The following FMN2 variants were observed in gnomAD, a reference collection of about 807,000 sequenced individuals.
The protein encoded by FMN2 is formin-2.
A neutral mutation model predicts 142.3 loss-of-function variants in FMN2; 51 were observed. That is an observed-to-expected ratio of 0.36 (90% CI 0.29 to 0.45). The LOEUF (loss-of-function observed/expected upper bound fraction) is 0.45, where lower values mean the gene tolerates loss of function less well. Ranked by LOEUF, FMN2 falls within the 20% of genes least tolerant of loss-of-function variation. The pLI is 1.00. For missense variants in FMN2, 1,936 were observed against 2,122.8 expected (o/e 0.91, Z 1.73); for synonymous variants, 882 against 869.8 (o/e 1.01, Z -0.25).
intron 7 of FMN2, among the ~76,000 whole-genome samples, chr1:240,277,743 C>A (rs1410176179): frequency 1.3e-5 from 2 of 151,676 alleles, no homozygotes; most frequent in Admixed American, 6.6e-5. Flanking sequence ...CCATGTTGGC[C>A]AGCCTGGTTT....
chr1:240,170,481 TA>T (rs1458594566), intron 2 of FMN2: 2 of 1,456,844 alleles, frequency 1.4e-6, no homozygotes, highest in Non-Finnish European at 1.9e-6. Context: ...AAATTTTGTC[TA>T]AATCCTAAAA....
intron 3 of FMN2, among the ~76,000 whole-genome samples, chr1:240,187,363 C>T (rs973788957): frequency 2.0e-5 from 3 of 151,418 alleles, no homozygotes; most frequent in Non-Finnish European, 4.4e-5. Flanking sequence ...GCATGCCAGT[C>T]AGGGGTGCAA....
intron 7 of FMN2, among the ~76,000 whole-genome samples, chr1:240,281,541 T>C (rs904507249): frequency 3.3e-5 from 5 of 152,132 alleles, no homozygotes; most frequent in African/African-American, 1.2e-4. Context: ...AATGAATCAA[T>C]GATGTTTTCC....
At chr1:240,433,246 C>T (rs9662989) in intron 15 of FMN2, among the ~76,000 whole-genome samples, 113,902 of 152,018 alleles carry the variant, frequency 0.75, 44,428 homozygotes, top group Middle Eastern at 0.88. Flanking sequence ...GAAGTCTACT[C>T]AGATAATAAA....
rs1036137349 is a variant in FMN2 at position 240,392,536 on chromosome 1, A to G, written c.4884A>G (p.Glu1628=). ...IQAKIDQEAE[E]NSLTETHKCF... ...CCAAAATTGACCAAGAGGCAGAGGA[A>G]AATTCACTGACAGAGACTCATAAAT... The change falls in exon 15 of 18, where the codon GAA becomes GAG. Residue 1628 remains glutamate, a synonymous_variant. Transcript: ENST00000319653. 8 of 1,609,846 alleles carry G rather than the reference A, an allele frequency of 5.0e-6. No homozygotes were observed. The Admixed American group carries it at 1.0e-4, about 20-fold the overall frequency.
intron 16 of FMN2, among the ~76,000 whole-genome samples, chr1:240,454,225 G>C (rs561495712): frequency 6.6e-6 from 1 of 152,178 alleles, no homozygotes; most frequent in Admixed American, 6.5e-5. Flanking sequence ...ACTCACTCTT[G>C]CTGAGCATCA....
chr1:240,454,395 T>A (rs12401399), intron 16 of FMN2, among the ~76,000 whole-genome samples: 113,145 of 151,858 alleles, frequency 0.75, 42,315 homozygotes, highest in Middle Eastern at 0.83. Context: ...TACAAAAATT[T>A]GCTGGGCATG....
rs529418504 is a variant in FMN2 at position 240,410,347 on chromosome 1, A to G, written c.4910+17785A>G. 2.0e-5 allele frequency among the ~76,000 whole-genome samples: 3 copies of G among 152,348 alleles called. No individual in the cohort carries two copies. In the South Asian group the frequency reaches 6.2e-4, roughly 32 times the overall value. ...TTGAAATTCCTCTCTGAGTGGATCT[A>G]ACGATCTGAAAAATTGAAAATCAGT... On this transcript the variant is annotated intron_variant, in intron 15 of 17. Coordinates refer to ENST00000319653, the MANE Select transcript of FMN2 (RefSeq NM_020066.5).
intron 16 of FMN2, among the ~76,000 whole-genome samples, chr1:240,445,158 A>G (rs1675762251): frequency 6.6e-6 from 1 of 152,232 alleles, no homozygotes; most frequent in Non-Finnish European, 1.5e-5. Context: ...ATTTAGCTGT[A>G]TTCATGAATT....
chr1:240,282,000 T>C (rs1255427472), intron 7 of FMN2, among the ~76,000 whole-genome samples: 5 of 152,222 alleles, frequency 3.3e-5, no homozygotes, highest in Admixed American at 2.0e-4. Flanking sequence ...TTCTAATTTA[T>C]ATTTTGCTTT....
At chr1:240,143,160 A>G in intron 2 of FMN2, 1 of 1,578,496 alleles carries the variant, frequency 6.3e-7, no homozygotes, top group Non-Finnish European at 8.7e-7. Context: ...TAACTGGCGC[A>G]ACATTGCAGC....
chr1:240,167,004 C>A (rs1436354846), intron 2 of FMN2, among the ~76,000 whole-genome samples: 1 of 152,144 alleles, frequency 6.6e-6, no homozygotes, highest in Admixed American at 6.5e-5. Context: ...TGCCTGTAAT[C>A]CCAGCTACTT....
intron 2 of FMN2, chr1:240,145,530 A>ATTTTTTTTTTTTTTTTTTTTT (rs71168902): frequency 3.8e-4 from 32 of 84,372 alleles, no homozygotes; most frequent in Middle Eastern, 9.4e-3. Context: ...TTCTTTTTCT[A>ATTTTTTTTTTTTTTTTTTTTT]TTTTTTTTTT....
At chr1:240,290,149 T>C (rs1013708074) in intron 7 of FMN2, among the ~76,000 whole-genome samples, 9 of 152,238 alleles carry the variant, frequency 5.9e-5, no homozygotes, top group African/African-American at 2.2e-4. Context: ...TTTTTTAATG[T>C]AATGCAGTCA....
intron 8 of FMN2, among the ~76,000 whole-genome samples, chr1:240,313,788 T>G (rs1670671529): frequency 6.6e-6 from 1 of 152,032 alleles, no homozygotes; most frequent in Admixed American, 6.6e-5. Context: ...GCCAACCTGG[T>G]GAAACCCCGT....
At chr1:240,472,848 G>A (rs1050251275) in intron 17 of FMN2, among the ~76,000 whole-genome samples, 1 of 151,722 alleles carries the variant, frequency 6.6e-6, no homozygotes, top group African/African-American at 2.4e-5. Flanking sequence ...GGGAAGCTGA[G>A]GCAGAGGAAT....
chr1:240,451,875 A>G (rs547911212), intron 16 of FMN2, among the ~76,000 whole-genome samples: 2 of 152,238 alleles, frequency 1.3e-5, no homozygotes, highest in African/African-American at 4.8e-5. Context: ...CTCTTGTTTT[A>G]TAATGGACAT....
intron 1 of FMN2, among the ~76,000 whole-genome samples, chr1:240,113,661 T>C (rs534711193): frequency 6.6e-6 from 1 of 151,838 alleles, no homozygotes; most frequent in African/African-American, 2.4e-5. Flanking sequence ...AGTAGGTGAG[T>C]GTCTCCTGAT....
chr1:240,361,095 A>T (rs1438042509), intron 14 of FMN2, among the ~76,000 whole-genome samples: 1 of 148,042 alleles, frequency 6.8e-6, no homozygotes. Flanking sequence ...CATTGTGCAC[A>T]TGTACCCTAG....
Sources: gnomAD v4.1 joint callset for allele counts (sites outside exome capture counted in the v4.1 genomes callset) on GRCh38, gnomAD v4.1.1 for gene constraint, MANE v1.5 for transcripts, NCBI Gene and HGNC (gene_info 2026-07-23, HGNC 2026-07-21) for gene names.